PTPRD: variants seen among roughly 807,000 people sequenced by gnomAD.
PTPRD encodes the protein protein tyrosine phosphatase receptor type D.
A neutral mutation model predicts 214.5 loss-of-function variants in PTPRD; 34 were observed. The ratio of observed to expected loss-of-function variants is 0.16; its 90% confidence interval spans 0.12 to 0.21. The LOEUF is 0.21. PTPRD is among the 10% of genes least tolerant of loss of function. The pLI is 1.00. For synonymous variants in PTPRD, 1,128 were observed against 845.7 expected, an observed-to-expected ratio of 1.33 and a Z score of -5.79; for missense variants, 2,545 against 2,398.7, an observed-to-expected ratio of 1.06 and a Z score of -1.27.
At chr9:8,534,760 A>T (rs910264103) in intron 14 of PTPRD, among the ~76,000 whole-genome samples, 33 of 152,008 alleles carry the variant, frequency 2.2e-4, no homozygotes, top group Admixed American at 2.1e-3. Flanking sequence ...TTTTATACTT[A>T]AGAAAAAGTA....
intron 3 of PTPRD, among the ~76,000 whole-genome samples, chr9:10,059,922 T>A (rs924184548): frequency 6.6e-6 from 1 of 152,052 alleles, no homozygotes; most frequent in African/African-American, 2.4e-5. Flanking sequence ...CTCAAAATAT[T>A]GCTGCATTCA....
chr9:10,525,336 A>G (rs1397282266), intron 2 of PTPRD, among the ~76,000 whole-genome samples: 1 of 152,078 alleles, frequency 6.6e-6, no homozygotes, highest in East Asian at 1.9e-4. Context: ...GGATGCCACA[A>G]TGCAAAGAAT....
At chr9:10,154,223 G>T (rs868649492) in intron 3 of PTPRD, among the ~76,000 whole-genome samples, 1 of 152,134 alleles carries the variant, frequency 6.6e-6, no homozygotes, top group Non-Finnish European at 1.5e-5. Context: ...CTAATAATCA[G>T]TGATGCTGAG....
At position 9,001,624 on chromosome 9, in the gene PTPRD, A is replaced by G. The variant is rs143565614; in HGVS notation, c.-104+17073T>C. On this transcript the variant is annotated intron_variant, in intron 11 of 45. Coordinates refer to ENST00000381196, the MANE Select transcript of PTPRD (RefSeq NM_002839.4). ...GGAACTCAGGGCTCAGAGGTTCTTC[A>G]TTTAATTTCAGCTAGGTTAGGACTT... Among the ~76,000 whole-genome samples, 206 of 152,114 alleles carry G rather than the reference A, an allele frequency of 1.4e-3. 2 individuals are homozygous for G. The highest frequency in any genetic ancestry group is 4.7e-3 in the African/African-American group (194 of 41,530).
At chr9:8,713,307 C>A (rs555644984) in intron 12 of PTPRD, 2 of 748,242 alleles carry the variant, frequency 2.7e-6, no homozygotes, top group East Asian at 2.6e-5. Context: ...GCGGAGAGGA[C>A]GCCATGAAGG....
intron 11 of PTPRD, among the ~76,000 whole-genome samples, chr9:8,765,429 A>G (rs2094658144): frequency 6.6e-6 from 1 of 152,200 alleles, no homozygotes; most frequent in African/African-American, 2.4e-5. Flanking sequence ...TGTTCTAAGG[A>G]CACTTAGGCA....
At chr9:9,575,743 A>AAAAAAAAAAAAAAAAAAAAAAAAAAG (rs2088396518) in intron 7 of PTPRD, among the ~76,000 whole-genome samples, 1 of 136,824 alleles carries the variant, frequency 7.3e-6, no homozygotes, top group African/African-American at 2.8e-5. Context: ...AAAAAAAAAA[A>AAAAAAAAAAAAAAAAAAAAAAAAAAG]AAAGAAAGAA....
intron 10 of PTPRD, among the ~76,000 whole-genome samples, chr9:9,163,899 C>A (rs1195596513): frequency 6.6e-6 from 1 of 152,132 alleles, no homozygotes; most frequent in African/African-American, 2.4e-5. Context: ...TAGCACCCCT[C>A]TTTTCTATTT....
intron 10 of PTPRD, among the ~76,000 whole-genome samples, chr9:9,083,295 T>A (rs1256522265): frequency 6.6e-6 from 1 of 152,116 alleles, no homozygotes; most frequent in African/African-American, 2.4e-5. Flanking sequence ...AAAACAAGAA[T>A]GGGGAAAGGA....
In PTPRD at chr9:8,636,827, G is replaced by A. The variant is rs769826980; in HGVS notation, c.82C>T (p.Arg28Ter). ...TDAETPPRFT[R>*]TPVDQTGVSG... The stretch of plus-strand genomic sequence containing the variant: ...ACCCCTGTCTGATCAACGGGTGTTC[G>A]TGTAAACCTTGGAGGTGCTGAAATA... Residue 28 changes from arginine to a stop codon, truncating the protein, a stop_gained, in exon 13 of 46, where the codon CGA (arginine) becomes TGA (stop). Transcript: ENST00000381196. LOFTEE classifies it high-confidence loss of function. 6.2e-7 allele frequency: 1 copy of A among 1,613,602 alleles called. No individual in the cohort carries two copies. Among genetic ancestry groups the A allele is most frequent in the Non-Finnish European group, 8.5e-7 (1 of 1,179,688 alleles).
intron 9 of PTPRD, among the ~76,000 whole-genome samples, chr9:9,218,392 A>G (rs931209919): frequency 1.3e-5 from 2 of 152,170 alleles, no homozygotes; most frequent in Non-Finnish European, 2.9e-5. Flanking sequence ...ACTAGTGGCC[A>G]TTAGATGAAA....
At chr9:9,930,291 A>AT (rs1444428034) in intron 5 of PTPRD, among the ~76,000 whole-genome samples, 10 of 152,224 alleles carry the variant, frequency 6.6e-5, no homozygotes, top group Admixed American at 2.0e-4. Context: ...AGCCATGGAC[A>AT]TAAGTGAGAT....
At chr9:10,142,896 C>T (rs929559937) in intron 3 of PTPRD, among the ~76,000 whole-genome samples, 1 of 148,812 alleles carries the variant, frequency 6.7e-6, no homozygotes, top group African/African-American at 2.5e-5. Flanking sequence ...CAATGATAGA[C>T]TGGATTAAGA....
At chr9:10,391,137 G>A (rs1403530064) in intron 2 of PTPRD, among the ~76,000 whole-genome samples, 2 of 151,744 alleles carry the variant, frequency 1.3e-5, no homozygotes, top group Non-Finnish European at 2.9e-5. Context: ...CTTTTCTCTG[G>A]ATTGGATGCA....
chr9:8,862,446 A>AT (rs2098124117), intron 11 of PTPRD, among the ~76,000 whole-genome samples: 1 of 152,174 alleles, frequency 6.6e-6, no homozygotes, highest in African/African-American at 2.4e-5. Flanking sequence ...GCCATGCTAA[A>AT]TTTTTTGACC....
intron 33 of PTPRD, 71 bp from the exon 34 acceptor site, chr9:8,449,908 G>T (rs1326248257): frequency 7.1e-7 from 1 of 1,416,718 alleles, no homozygotes; most frequent in Non-Finnish European, 9.9e-7. Flanking sequence ...GCAGAGAATT[G>T]CACCTGCACT....
At chr9:8,780,088 G>A (rs10815944) in intron 11 of PTPRD, among the ~76,000 whole-genome samples, 2 of 148,368 alleles carry the variant, frequency 1.3e-5, no homozygotes, top group Non-Finnish European at 3.0e-5. Flanking sequence ...ATCTGTAAAG[G>A]ATCTCCCTTC....
chr9:9,145,712 T>G (rs570002577), intron 10 of PTPRD, among the ~76,000 whole-genome samples: 2 of 152,268 alleles, frequency 1.3e-5, no homozygotes, highest in African/African-American at 4.8e-5. Context: ...TTGCCCTGTG[T>G]AGAAGCAAGG....
intron 7 of PTPRD, among the ~76,000 whole-genome samples, chr9:9,710,530 A>G (rs894212769): frequency 6.6e-6 from 1 of 152,098 alleles, no homozygotes; most frequent in Non-Finnish European, 1.5e-5. Context: ...AAAGCAACTC[A>G]TGGTGGATTT....
Sources: allele counts gnomAD v4.1 joint callset (sites outside exome capture counted in the v4.1 genomes callset), GRCh38; gene constraint gnomAD v4.1.1; transcripts MANE v1.5; gene names NCBI Gene and HGNC (gene_info 2026-07-23, HGNC 2026-07-21).